The following SLC43A1 variants were observed in gnomAD, a reference collection of about 807,000 sequenced individuals.
SLC43A1 encodes large neutral amino acids transporter small subunit 3.
In SLC43A1, 31 loss-of-function variants were observed where a neutral mutation model predicts 59.5. That is an observed-to-expected ratio of 0.52 (90% CI 0.39 to 0.70). The LOEUF is 0.70. Among genes scored for constraint, SLC43A1 ranks in the 30% least tolerant of loss-of-function variants. The probability of loss-of-function intolerance (pLI) is 0.00; values close to 1 mark genes in which losing one functional copy is unlikely to be tolerated. For missense variants in SLC43A1, 598 were observed against 717.8 expected, an observed-to-expected ratio of 0.83 and a Z score of 1.91; for synonymous variants, 259 against 290.9, an observed-to-expected ratio of 0.89 and a Z score of 1.12.
chr11:57,496,615 G>A (rs1343976538), intron 6 of SLC43A1, among the ~76,000 whole-genome samples: 1 of 152,156 alleles, frequency 6.6e-6, no homozygotes, highest in East Asian at 1.9e-4. Context: ...CAGGGGAAAA[G>A]GCAAACCCAG....
At chr11:57,513,369 C>A (rs1253749831) in intron 2 of SLC43A1, among the ~76,000 whole-genome samples, 1 of 152,246 alleles carries the variant, frequency 6.6e-6, no homozygotes, top group Non-Finnish European at 1.5e-5. Context: ...TGCCCCAAGG[C>A]AGCTGCAGAC....
chr11:57,496,818 C>T (rs1266308617), intron 6 of SLC43A1, among the ~76,000 whole-genome samples: 1 of 152,226 alleles, frequency 6.6e-6, no homozygotes, highest in Non-Finnish European at 1.5e-5. Flanking sequence ...CACCATCTGT[C>T]CTCTTGTCCT....
At chr11:57,512,472 G>C (rs1301305034) in intron 2 of SLC43A1, among the ~76,000 whole-genome samples, 1 of 151,742 alleles carries the variant, frequency 6.6e-6, no homozygotes, top group African/African-American at 2.4e-5. Flanking sequence ...TGAACCCAGG[G>C]GGAGAAGGTT....
At chr11:57,496,244 C>T in intron 6 of SLC43A1, 80 bp from the exon 7 acceptor site, 1 of 1,517,568 alleles carries the variant, frequency 6.6e-7, no homozygotes, top group East Asian at 2.3e-5. Context: ...GCCTCAGAGG[C>T]CTTAAAGAAG....
chr11:57,492,735 C>CA (rs56237225), intron 8 of SLC43A1, among the ~76,000 whole-genome samples: 42,572 of 83,548 alleles, frequency 0.51, 11,468 homozygotes, highest in East Asian at 0.74. Context: ...CTCTATTTTA[C>CA]AAAAAAAAAA....
rs1159468427 is a variant in SLC43A1, at chr11:57,487,094, C to A, written c.1533+1G>T. 1.9e-6 allele frequency: 3 copies of A among 1,613,834 alleles called. No homozygotes were observed. The highest frequency in any genetic ancestry group is 2.5e-6 in the Non-Finnish European group (3 of 1,179,946). ...CCCCCCACACCAACCCTCGCTCTCA[C>A]CCAGAAGGGCTCTCCTTTCAGGGGT... On this transcript the variant is annotated splice_donor_variant, in intron 14 of 14. Transcript: ENST00000278426. LOFTEE classifies it high-confidence loss of function.
chr11:57,512,453 G>A (rs144442165), intron 2 of SLC43A1, among the ~76,000 whole-genome samples: 5 of 151,636 alleles, frequency 3.3e-5, no homozygotes, highest in South Asian at 2.1e-4. Flanking sequence ...TTAGCCAGAC[G>A]TGCTCGCGTG....
chr11:57,514,106 G>A lies in SLC43A1; in HGVS notation c.6C>T (p.Ala2=). 1 of 1,588,390 alleles carries A rather than the reference G, an allele frequency of 6.3e-7. No individual in the cohort carries two copies. The highest frequency in any genetic ancestry group is 1.8e-5 in the Admixed American group (1 of 56,242). Residue 2 remains alanine (A), a synonymous_variant, in exon 2 of 15, where the codon GCC becomes GCT. Transcript: ENST00000278426. The surrounding 1 kb of genome is among the most constrained non-coding windows in gnomAD (Gnocchi z 5.5). M[A]PTLQQAYRRR... Reference sequence around the variant, plus strand: ...TCCGGTACGCCTGTTGCAGCGTGGGGGCCATGCTGGCCCCGAGCCTGCACA... The same window carrying A: ...TCCGGTACGCCTGTTGCAGCGTGGGAGCCATGCTGGCCCCGAGCCTGCACA...
In SLC43A1 at chr11:57,496,173, G is replaced by A; in HGVS notation, c.559-9C>T. 1.2e-6 allele frequency: 2 copies of A among 1,613,654 alleles called. No individual in the cohort carries two copies. The highest frequency in any genetic ancestry group is 1.3e-5 in the African/African-American group (1 of 75,012). ...CCGGCATCGTAGATCAGCTGTGAGA[G>A]GAGGGGGCAGGCCCGTGGGGGAGAC... On this transcript the variant is annotated splice_polypyrimidine_tract_variant and intron_variant, in intron 6 of 14. Transcript: ENST00000278426.
At chr11:57,492,769 C>T (rs1325566386) in intron 8 of SLC43A1, among the ~76,000 whole-genome samples, 1 of 144,330 alleles carries the variant, frequency 6.9e-6, no homozygotes, top group Non-Finnish European at 1.5e-5. Context: ...TGGCAGGGCA[C>T]GGTGGCTCAC....
At chr11:57,500,565 A>T (rs1300799205) in intron 5 of SLC43A1, among the ~76,000 whole-genome samples, 1 of 152,036 alleles carries the variant, frequency 6.6e-6, no homozygotes, top group Non-Finnish European at 1.5e-5. Flanking sequence ...CACACACATT[A>T]ACATACACCC....
chr11:57,490,347 C>T (rs1943864017), intron 11 of SLC43A1, among the ~76,000 whole-genome samples: 1 of 151,872 alleles, frequency 6.6e-6, no homozygotes, highest in Non-Finnish European at 1.5e-5. Flanking sequence ...TGGTCTCCAG[C>T]CAACAAGACA....
At chr11:57,487,351 G>C in intron 13 of SLC43A1, 133 bp from the exon 14 acceptor site, 1 of 1,100,122 alleles carries the variant, frequency 9.1e-7, no homozygotes, top group Non-Finnish European at 1.3e-6. Flanking sequence ...CTCTTTGCAT[G>C]GGCTCTTTGG....
rs118170231 is a variant in SLC43A1, at chr11:57,486,411, G to A, written c.1533+684C>T. Among the ~76,000 whole-genome samples, 41 of 151,804 alleles carry A rather than the reference G, an allele frequency of 2.7e-4. No individual in the cohort carries two copies. The East Asian group carries it at 5.6e-3, about 21-fold the overall frequency. On this transcript the variant is annotated intron_variant, in intron 14 of 14. Transcript: ENST00000278426. ...CTCAGAAGGCTGGGGCCGGAGGATC[G>A]CTTGAGCCCAGGAATCAGAGGCTGC...
intron 2 of SLC43A1, among the ~76,000 whole-genome samples, chr11:57,510,206 C>T (rs1944502155): frequency 6.6e-6 from 1 of 151,952 alleles, no homozygotes; most frequent in East Asian, 1.9e-4. Flanking sequence ...CCTGTAATCC[C>T]AGCACTTTGG....
chr11:57,501,310 G>T lies in SLC43A1; in HGVS notation c.174C>A (p.Thr58=), dbSNP rs755617507. The T allele has an allele frequency of 6.2e-7, 1 of 1,610,314 alleles. No individual in the cohort carries two copies. The highest frequency in any genetic ancestry group is 2.2e-5 in the East Asian group (1 of 44,884). Residue 58 remains threonine (T), a synonymous_variant, in exon 3 of 15, where the codon ACC becomes ACA. Coordinates refer to ENST00000278426, the MANE Select transcript of SLC43A1 (RefSeq NM_003627.6). The part of the protein sequence containing the change: ...STCPAESSTN[T]TQDEQRRWPG... ...GCCACCTGCGCTGCTCATCCTGGGT[G>T]GTGTTGGTGCTGCTCTCAGCTGAGG...
At chr11:57,492,536 GTATATATATATATATATA>G (rs71061509) in intron 8 of SLC43A1, among the ~76,000 whole-genome samples, 6 of 79,858 alleles carry the variant, frequency 7.5e-5, no homozygotes, top group Non-Finnish European at 6.5e-5. Flanking sequence ...ATAATTTTGT[GTATATATATATATATATA>G]TATATATATA....
chr11:57,489,737 G>A (rs910851553), intron 11 of SLC43A1, among the ~76,000 whole-genome samples: 1 of 152,216 alleles, frequency 6.6e-6, no homozygotes, highest in African/African-American at 2.4e-5. Context: ...TTGAAGGTTT[G>A]AGAACCAAGG....
chr11:57,507,436 C>G (rs1944417789), intron 2 of SLC43A1, among the ~76,000 whole-genome samples: 1 of 152,126 alleles, frequency 6.6e-6, no homozygotes, highest in Admixed American at 6.5e-5. Flanking sequence ...CGCTGCTGCA[C>G]TCCAGTCTGG....
Sources: allele counts gnomAD v4.1 joint callset (sites outside exome capture counted in the v4.1 genomes callset), GRCh38; gene constraint gnomAD v4.1.1; non-coding constraint Gnocchi (gnomAD v3.1); transcripts MANE v1.5; gene names NCBI Gene and HGNC (gene_info 2026-07-23, HGNC 2026-07-21).